PTPRO: variants seen among roughly 807,000 people sequenced by gnomAD.
PTPRO encodes the protein receptor-type tyrosine-protein phosphatase O.
A neutral mutation model predicts 145.2 loss-of-function variants in PTPRO; 62 were observed. The observed-to-expected ratio is 0.43, with a 90% CI of 0.35 to 0.53. The LOEUF (loss-of-function observed/expected upper bound fraction) is 0.53, where lower values mean the gene tolerates loss of function less well. Ranked by LOEUF, PTPRO falls within the 20% of genes least tolerant of loss-of-function variation. The pLI is 0.01. For synonymous variants in PTPRO, 565 were observed against 514.7 expected, an observed-to-expected ratio of 1.10 and a Z score of -1.32; for missense variants, 1,345 against 1,482.7, an observed-to-expected ratio of 0.91 and a Z score of 1.53.
intron 1 of PTPRO, among the ~76,000 whole-genome samples, chr12:15,431,950 T>G (rs770650814): frequency 6.6e-5 from 10 of 152,198 alleles, no homozygotes; most frequent in Non-Finnish European, 1.2e-4. Context: ...TTTTGGACAC[T>G]AATACTCATT....
intron 1 of PTPRO, among the ~76,000 whole-genome samples, chr12:15,474,166 G>C (rs1405920616): frequency 1.3e-5 from 2 of 152,138 alleles, no homozygotes; most frequent in Admixed American, 6.6e-5. Flanking sequence ...CACATAGCCT[G>C]GCCCAGATGA....
chr12:15,344,578 ATGTT>A (rs1162720830), intron 1 of PTPRO, among the ~76,000 whole-genome samples: 1 of 152,240 alleles, frequency 6.6e-6, no homozygotes, highest in African/African-American at 2.4e-5. Context: ...ACTTTTATAT[ATGTT>A]CTCTCAGATT....
intron 1 of PTPRO, chr12:15,440,361 T>A (rs1940729002): frequency 1.5e-5 from 6 of 401,668 alleles, no homozygotes; most frequent in Non-Finnish European, 2.7e-5. Context: ...CACACCAGAG[T>A]CTCCATGCAG....
At chr12:15,446,817 C>T (rs1940914693) in intron 1 of PTPRO, among the ~76,000 whole-genome samples, 1 of 150,774 alleles carries the variant, frequency 6.6e-6, no homozygotes, top group African/African-American at 2.4e-5. Context: ...GAAAAGATAC[C>T]CTCAAAATTC....
At chr12:15,412,907 C>G (rs1300706028) in intron 1 of PTPRO, among the ~76,000 whole-genome samples, 1 of 152,202 alleles carries the variant, frequency 6.6e-6, no homozygotes, top group African/African-American at 2.4e-5. Context: ...TATTCTCCTG[C>G]CTCAGCCTCC....
At chr12:15,331,803 T>C (rs553492082) in intron 1 of PTPRO, among the ~76,000 whole-genome samples, 2 of 152,308 alleles carry the variant, frequency 1.3e-5, no homozygotes, top group South Asian at 4.1e-4. Context: ...AAATTATTAG[T>C]TTAACTTTGT....
intron 1 of PTPRO, among the ~76,000 whole-genome samples, chr12:15,428,582 T>G (rs189790026): frequency 3.3e-5 from 5 of 152,318 alleles, no homozygotes; most frequent in Admixed American, 1.3e-4. Context: ...AAGGATTTTT[T>G]TATAATCAAG....
intron 1 of PTPRO, among the ~76,000 whole-genome samples, chr12:15,478,204 G>C (rs528544337): frequency 6.6e-6 from 1 of 152,282 alleles, no homozygotes; most frequent in East Asian, 1.9e-4. Flanking sequence ...TGGTGCAGGA[G>C]GCTAGAATGT....
intron 1 of PTPRO, among the ~76,000 whole-genome samples, chr12:15,370,808 T>C (rs1938504294): frequency 6.6e-6 from 1 of 152,180 alleles, no homozygotes; most frequent in African/African-American, 2.4e-5. Flanking sequence ...ATACAAAGCT[T>C]TTGTTAAAAG....
intron 24 of PTPRO, 23 bp downstream of exon 24, chr12:15,587,074 C>T (rs754172413): frequency 6.2e-7 from 1 of 1,613,406 alleles, no homozygotes. Context: ...ACTGCATTTT[C>T]TATTAAATAT....
chr12:15,433,490 G>A (rs1940509592), intron 1 of PTPRO, among the ~76,000 whole-genome samples: 1 of 152,128 alleles, frequency 6.6e-6, no homozygotes, highest in Admixed American at 6.6e-5. Context: ...GCCAGTTTTA[G>A]GCTTTACATT....
At chr12:15,371,697 C>G (rs1938535933) in intron 1 of PTPRO, among the ~76,000 whole-genome samples, 1 of 152,052 alleles carries the variant, frequency 6.6e-6, no homozygotes, top group Admixed American at 6.6e-5. Flanking sequence ...GTTCCCCACC[C>G]AAATCTCATC....
chr12:15,439,853 A>T (rs1334581475), intron 1 of PTPRO: 2 of 628,836 alleles, frequency 3.2e-6, no homozygotes, highest in African/African-American at 3.6e-5. Flanking sequence ...GAAGATTATG[A>T]TGGTGCAGAA....
intron 22 of PTPRO, among the ~76,000 whole-genome samples, 171 bp downstream of exon 22, chr12:15,581,002 C>A (rs1259677504): frequency 6.6e-6 from 1 of 152,102 alleles, no homozygotes; most frequent in Non-Finnish European, 1.5e-5. Context: ...AACACACAGA[C>A]CCGGTGGTCT....
At chr12:15,391,217 G>A (rs1336483822) in intron 1 of PTPRO, among the ~76,000 whole-genome samples, 4 of 152,170 alleles carry the variant, frequency 2.6e-5, no homozygotes, top group Non-Finnish European at 5.9e-5. Flanking sequence ...TTTATAAAGT[G>A]CAAGCAATCA....
At chr12:15,484,398 A>G (rs1941843614) in intron 2 of PTPRO, 151 bp downstream of exon 2, 9 of 866,488 alleles carry the variant, frequency 1.0e-5, no homozygotes, top group South Asian at 8.2e-5. Flanking sequence ...CTATATTAAG[A>G]ATACAGCTGA....
chr12:15,542,270 C>T lies in PTPRO; in HGVS notation c.2165-4299C>T, dbSNP rs117961643. On this transcript the variant is annotated intron_variant, in intron 12 of 26. Transcript: ENST00000281171. ...TCTTTTGGCTTTTGGCTTCCATGTG[C>T]CACACTGGAAGAAGAATTATCTTGG... Among the ~76,000 whole-genome samples the T allele has an allele frequency of 6.6e-3, 1,007 of 152,192 alleles. 4 individuals carry two copies. The highest frequency in any genetic ancestry group is 0.011 in the Non-Finnish European group (774 of 68,020).
chr12:15,514,618 C>T (rs957133503), intron 7 of PTPRO, among the ~76,000 whole-genome samples: 2 of 150,806 alleles, frequency 1.3e-5, no homozygotes, highest in Non-Finnish European at 3.0e-5. Context: ...ATTAAAGGTC[C>T]CAACACTAGG....
intron 1 of PTPRO, among the ~76,000 whole-genome samples, chr12:15,397,685 T>G (rs189364776): frequency 1.2e-3 from 188 of 152,306 alleles, no homozygotes; most frequent in Non-Finnish European, 1.2e-4. Context: ...CAACCATTAT[T>G]GAGCACCTAG....
Sources: allele counts gnomAD v4.1 joint callset (sites outside exome capture counted in the v4.1 genomes callset), GRCh38; gene constraint gnomAD v4.1.1; transcripts MANE v1.5; gene names NCBI Gene and HGNC (gene_info 2026-07-23, HGNC 2026-07-21).